The following ZNF423 variants were observed in gnomAD, a reference collection of about 807,000 sequenced individuals.
ZNF423 encodes zinc finger protein 423, also known as Ebf-associated zinc finger protein.
In ZNF423, 12 loss-of-function variants were observed where a neutral mutation model predicts 95.8. That is an observed-to-expected ratio of 0.13 (90% confidence interval 0.08 to 0.20). The LOEUF is 0.20. Among genes scored for constraint, ZNF423 ranks in the 10% least tolerant of loss-of-function variants. The probability of loss-of-function intolerance (pLI) is 1.00; values close to 1 mark genes in which losing one functional copy is unlikely to be tolerated. For missense variants in ZNF423, 1,316 were observed against 1,737.1 expected, an observed-to-expected ratio of 0.76 and a Z score of 4.31; for synonymous variants, 749 against 711.9, an observed-to-expected ratio of 1.05 and a Z score of -0.83.
At chr16:49,554,765 G>C (rs1248820117) in intron 5 of ZNF423, among the ~76,000 whole-genome samples, 1 of 151,968 alleles carries the variant, frequency 6.6e-6, no homozygotes, top group African/African-American at 2.4e-5. Flanking sequence ...AACAGATAAA[G>C]ATCGCCCTTA....
intron 7 of ZNF423, among the ~76,000 whole-genome samples, chr16:49,501,141 C>T (rs1023572104): frequency 5.3e-5 from 8 of 152,260 alleles, no homozygotes; most frequent in African/African-American, 1.9e-4. Context: ...CCACATGGAA[C>T]TGCATGTCTG....
chr16:49,700,319 G>A (rs1772150203), intron 3 of ZNF423, among the ~76,000 whole-genome samples: 1 of 151,934 alleles, frequency 6.6e-6, no homozygotes, highest in Non-Finnish European at 1.5e-5. Context: ...AGCTAAAAAT[G>A]TCAAATCAGC....
intron 1 of ZNF423, among the ~76,000 whole-genome samples, chr16:49,836,654 G>C (rs529588271): frequency 1.3e-5 from 2 of 152,136 alleles, no homozygotes; most frequent in Non-Finnish European, 2.9e-5. Flanking sequence ...GGGCTGCAGA[G>C]GGGATTCATG....
chr16:49,593,727 G>A (rs1971091769), intron 5 of ZNF423, among the ~76,000 whole-genome samples: 1 of 152,152 alleles, frequency 6.6e-6, no homozygotes, highest in Non-Finnish European at 1.5e-5. Flanking sequence ...AGATCTCCGA[G>A]AAGCCCCCAA....
At chr16:49,814,272 T>C (rs1245970132) in intron 1 of ZNF423, among the ~76,000 whole-genome samples, 1 of 152,004 alleles carries the variant, frequency 6.6e-6, no homozygotes, top group Non-Finnish European at 1.5e-5. Flanking sequence ...TGCCTTCCCG[T>C]GGGCTCTGGG....
At chr16:49,648,440 G>T (rs1032139217) in intron 3 of ZNF423, among the ~76,000 whole-genome samples, 2 of 149,298 alleles carry the variant, frequency 1.3e-5, no homozygotes, top group Non-Finnish European at 3.0e-5. Context: ...TCGGGAGTTC[G>T]AGACCAGCCT....
At chr16:49,858,858 C>T (rs1298636445), upstream of ZNF423, among the ~76,000 whole-genome samples, 1 of 152,154 alleles carries the variant, frequency 6.6e-6, no homozygotes, top group Non-Finnish European at 1.5e-5. The surrounding 1 kb of genome is among the most constrained non-coding windows in gnomAD (Gnocchi z 4.3). Flanking sequence ...CGCTCCCCCA[C>T]CCCCGCCGGC....
intron 1 of ZNF423, among the ~76,000 whole-genome samples, chr16:49,841,622 C>G (rs1168735657): frequency 6.6e-6 from 1 of 152,216 alleles, no homozygotes; most frequent in Non-Finnish European, 1.5e-5. Flanking sequence ...GATTCCCCTA[C>G]CAAAGGGAAT....
intron 7 of ZNF423, among the ~76,000 whole-genome samples, chr16:49,512,020 A>G (rs562504760): frequency 6.6e-6 from 1 of 152,294 alleles, no homozygotes; most frequent in South Asian, 2.1e-4. Flanking sequence ...GGTATGATGC[A>G]GCACTATACT....
intron 1 of ZNF423, among the ~76,000 whole-genome samples, chr16:49,803,933 CTTT>C (rs535349308): frequency 0.36 from 39,241 of 108,876 alleles, 6,050 homozygotes; most frequent in East Asian, 0.49. Context: ...GGATGAGTTT[CTTT>C]TTTTTTTTTT....
chr16:49,651,765 G>A (rs1180821409), intron 3 of ZNF423, among the ~76,000 whole-genome samples: 1 of 151,838 alleles, frequency 6.6e-6, no homozygotes, highest in Non-Finnish European at 1.5e-5. Context: ...ACTGGCTACT[G>A]GCTCCCAAAT....
intron 1 of ZNF423, among the ~76,000 whole-genome samples, chr16:49,813,424 A>C (rs1397058283): frequency 6.6e-6 from 1 of 152,056 alleles, no homozygotes; most frequent in Non-Finnish European, 1.5e-5. Context: ...CAGCACCCCA[A>C]TCGTGCCCTG....
rs1973338038 is a variant in ZNF423, at chr16:49,649,980, G to GA, written c.302-11107dup. Among the ~76,000 whole-genome samples, 6 of 152,300 alleles carry GA rather than the reference G, an allele frequency of 3.9e-5. No homozygotes were observed. The South Asian group carries it at 1.2e-3, about 32-fold the overall frequency. On this transcript the variant is annotated intron_variant, in intron 3 of 7. Coordinates refer to ENST00000563137, the MANE Select transcript of ZNF423 (RefSeq NM_001379286.1). ...GGAGCTGAGAGTTTCTTACGAATGGGATCTCATCATCCCCAAAGTATAAGC... is the reference window on the plus strand; with the variant it reads ...GGAGCTGAGAGTTTCTTACGAATGGGAATCTCATCATCCCCAAAGTATAAGC...
chr16:49,635,797 C>T lies in ZNF423; in HGVS notation c.3379G>A (p.Gly1127Ser), dbSNP rs146352545. 46 of 1,611,896 alleles carry T rather than the reference C, an allele frequency of 2.9e-5. No homozygotes were observed. In the East Asian group the frequency reaches 5.1e-4, roughly 18 times the overall value. ...ACACTGCACTCGGGGCAACGGAGGC[C>T]GGCACAGGGCCGGTCGGCGGGCTCG... Reference protein sequence around the residue: ...PPEPADRPCAGLRCPECSVKF... With the variant: ...PPEPADRPCASLRCPECSVKF... Residue 1127 changes from glycine (G) to serine (S), a missense_variant, in exon 4 of 8, where the codon GGC becomes AGC. By Grantham distance (56) the Gly-to-Ser change is moderately conservative. Coordinates refer to ENST00000563137, the MANE Select transcript of ZNF423 (RefSeq NM_001379286.1). This position sits in a 1 kb window ranked among gnomAD's most constrained non-coding sequence, Gnocchi z 4.8.
intron 7 of ZNF423, among the ~76,000 whole-genome samples, chr16:49,508,588 A>G (rs1056743537): frequency 1.3e-5 from 2 of 151,280 alleles, no homozygotes; most frequent in African/African-American, 4.9e-5. Context: ...TCCCCAGGCC[A>G]TGGACTGTGA....
chr16:49,737,372 T>C (rs1393853532), intron 2 of ZNF423, among the ~76,000 whole-genome samples: 6 of 152,086 alleles, frequency 3.9e-5, no homozygotes, highest in African/African-American at 1.4e-4. Flanking sequence ...CAGGTTCAAG[T>C]GATTCTCCTG....
At chr16:49,769,668 C>T (rs570609873) in intron 2 of ZNF423, among the ~76,000 whole-genome samples, 2 of 152,232 alleles carry the variant, frequency 1.3e-5, no homozygotes, top group Non-Finnish European at 2.9e-5. Flanking sequence ...CTGCTCCCCT[C>T]GACAATCTCC....
chr16:49,648,334 A>G (rs1333414923), intron 3 of ZNF423, among the ~76,000 whole-genome samples: 2 of 152,192 alleles, frequency 1.3e-5, no homozygotes, highest in Non-Finnish European at 2.9e-5. Flanking sequence ...TAAAAAGAAA[A>G]AAGATTAAGA....
chr16:49,723,532 T>C (rs1045281487), intron 3 of ZNF423, among the ~76,000 whole-genome samples: 2 of 152,238 alleles, frequency 1.3e-5, no homozygotes, highest in Non-Finnish European at 2.9e-5. Context: ...TTACTGTGGT[T>C]TTCACAATGT....
Sources: gnomAD v4.1 joint callset for allele counts (sites outside exome capture counted in the v4.1 genomes callset) on GRCh38, gnomAD v4.1.1 for gene constraint, Gnocchi (gnomAD v3.1) non-coding constraint, MANE v1.5 for transcripts, NCBI Gene and HGNC (gene_info 2026-07-23, HGNC 2026-07-21) for gene names.